Variants in THSD7B observed in about 807,000 individuals in gnomAD.
THSD7B encodes thrombospondin type 1 domain containing 7B.
Under a neutral mutation model 213.6 loss-of-function variants are expected in THSD7B, and 138 were observed. The observed-to-expected ratio is 0.65, with a 90% CI of 0.56 to 0.74. The LOEUF is 0.74. Among genes scored for constraint, THSD7B ranks in the 30% least tolerant of loss-of-function variants. The pLI is 0.00. For synonymous variants in THSD7B, 742 were observed against 687.0 expected (o/e 1.08, Z -1.25); for missense variants, 1,931 against 1,991.5 (o/e 0.97, Z 0.58).
chr2:136,836,295 G>A (rs978571211), intron 1 of THSD7B, among the ~76,000 whole-genome samples: 2 of 152,152 alleles, frequency 1.3e-5, no homozygotes. Flanking sequence ...GGACCTGAGG[G>A]TGTTAATTTG....
intron 17 of THSD7B, among the ~76,000 whole-genome samples, chr2:137,603,538 A>T (rs993439067): frequency 6.6e-6 from 1 of 152,212 alleles, no homozygotes; most frequent in Non-Finnish European, 1.5e-5. Context: ...TAGCCACTGG[A>T]GTAATAATAA....
At chr2:137,123,669 T>G (rs1280291011) in intron 5 of THSD7B, among the ~76,000 whole-genome samples, 1 of 152,182 alleles carries the variant, frequency 6.6e-6, no homozygotes, top group Non-Finnish European at 1.5e-5. Context: ...GGAGAATGTT[T>G]TAAGGATTTA....
intron 2 of THSD7B, among the ~76,000 whole-genome samples, chr2:137,053,363 C>T (rs1229454664): frequency 6.6e-6 from 1 of 151,976 alleles, no homozygotes; most frequent in East Asian, 1.9e-4. Context: ...AATAGTTATA[C>T]TTTTTTTCTC....
At chr2:136,847,862 G>A (rs1210282032) in intron 1 of THSD7B, among the ~76,000 whole-genome samples, 1 of 152,152 alleles carries the variant, frequency 6.6e-6, no homozygotes, top group Non-Finnish European at 1.5e-5. Context: ...TATATCAGAA[G>A]CACAGGGTGT....
intron 7 of THSD7B, among the ~76,000 whole-genome samples, chr2:137,182,578 A>G (rs1488746500): frequency 6.6e-6 from 1 of 152,162 alleles, no homozygotes; most frequent in East Asian, 1.9e-4. Flanking sequence ...ATGTTTCCGC[A>G]TCCTGTATGA....
rs555668049 is a variant in THSD7B, at chr2:137,290,339, T to G, written c.2500+14313T>G. 2.8e-4 allele frequency among the ~76,000 whole-genome samples: 43 copies of G among 152,240 alleles called. 1 individual carries two copies. Among genetic ancestry groups the G allele is most frequent in the Admixed American group, 1.1e-3 (17 of 15,294 alleles). ...CTCCTGACCTCGTGATCTGTCCGCCTGGGCCTCCCAAAGTGCTGGGATTAC... is the reference window on the plus strand; with the variant it reads ...CTCCTGACCTCGTGATCTGTCCGCCGGGGCCTCCCAAAGTGCTGGGATTAC... On this transcript the variant is annotated intron_variant, in intron 12 of 27. Coordinates refer to ENST00000409968, the MANE Select transcript of THSD7B (RefSeq NM_001316349.2).
chr2:137,552,546 A>G (rs912681839), intron 15 of THSD7B, among the ~76,000 whole-genome samples: 1 of 152,108 alleles, frequency 6.6e-6, no homozygotes, highest in African/African-American at 2.4e-5. Context: ...CTTAAGACAC[A>G]GAATACCTTA....
At chr2:137,556,306 C>T (rs1444039410) in intron 15 of THSD7B, among the ~76,000 whole-genome samples, 1 of 152,068 alleles carries the variant, frequency 6.6e-6, no homozygotes, top group African/African-American at 2.4e-5. Context: ...GGTCGGGTTA[C>T]CCACAAAGGG....
chr2:136,985,266 G>C (rs533542343), intron 2 of THSD7B, among the ~76,000 whole-genome samples: 2 of 152,174 alleles, frequency 1.3e-5, no homozygotes, highest in East Asian at 1.9e-4. Context: ...CCTTGAAGGC[G>C]TTTGAGAAAT....
At chr2:136,950,215 G>T (rs1685011383) in intron 2 of THSD7B, among the ~76,000 whole-genome samples, 1 of 152,068 alleles carries the variant, frequency 6.6e-6, no homozygotes, top group South Asian at 2.1e-4. Flanking sequence ...TTGTGCCACT[G>T]CACTCTAGCC....
chr2:137,202,429 C>G (rs930556339), intron 7 of THSD7B, among the ~76,000 whole-genome samples: 2 of 152,088 alleles, frequency 1.3e-5, no homozygotes, highest in African/African-American at 4.8e-5. Flanking sequence ...AGAGAAGACA[C>G]AGAGGAGATG....
At chr2:137,011,855 C>T (rs1686236190) in intron 2 of THSD7B, among the ~76,000 whole-genome samples, 1 of 152,176 alleles carries the variant, frequency 6.6e-6, no homozygotes. Context: ...CTACCGTCTT[C>T]ATCTATTAGC....
chr2:137,060,842 C>T (rs958048216), intron 3 of THSD7B, among the ~76,000 whole-genome samples: 56 of 151,548 alleles, frequency 3.7e-4, no homozygotes, highest in African/African-American at 1.3e-3. Context: ...GAATCTTTTG[C>T]TTTTTCATAT....
At chr2:136,989,459 C>T (rs990151526) in intron 2 of THSD7B, among the ~76,000 whole-genome samples, 2 of 151,972 alleles carry the variant, frequency 1.3e-5, no homozygotes, top group African/African-American at 4.8e-5. Context: ...CTATGTGATA[C>T]ACTGGCTGCC....
At chr2:137,185,361 G>A (rs1019520875) in intron 7 of THSD7B, among the ~76,000 whole-genome samples, 12 of 151,864 alleles carry the variant, frequency 7.9e-5, no homozygotes, top group African/African-American at 2.2e-4. Flanking sequence ...CCCAAGAAAT[G>A]AGCATACTCC....
intron 12 of THSD7B, among the ~76,000 whole-genome samples, chr2:137,309,462 T>C (rs955134078): frequency 6.6e-6 from 1 of 151,294 alleles, no homozygotes; most frequent in South Asian, 2.1e-4. Flanking sequence ...TTTTTAAAAA[T>C]TATTGGACAA....
chr2:137,639,664 G>A (rs1302524153), intron 20 of THSD7B, among the ~76,000 whole-genome samples: 1 of 152,152 alleles, frequency 6.6e-6, no homozygotes, highest in Non-Finnish European at 1.5e-5. Context: ...AAGCCACAGG[G>A]ATGGAGCTGC....
At chr2:137,598,236 A>G (rs1258880943) in intron 17 of THSD7B, among the ~76,000 whole-genome samples, 2 of 152,180 alleles carry the variant, frequency 1.3e-5, no homozygotes, top group African/African-American at 4.8e-5. Context: ...TAGATGGTAC[A>G]TTTTCCAGAA....
At chr2:137,623,280 C>A (rs938154804) in intron 20 of THSD7B, among the ~76,000 whole-genome samples, 9 of 152,152 alleles carry the variant, frequency 5.9e-5, no homozygotes, top group African/African-American at 2.2e-4. Flanking sequence ...ATTCAACAGT[C>A]CTTCATGCTA....
Sources: allele counts gnomAD v4.1 joint callset (sites outside exome capture counted in the v4.1 genomes callset), GRCh38; gene constraint gnomAD v4.1.1; transcripts MANE v1.5; gene names NCBI Gene and HGNC (gene_info 2026-07-23, HGNC 2026-07-21).